The following AFF3 variants were observed in gnomAD, a reference collection of about 807,000 sequenced individuals.
The protein encoded by AFF3 is AF4/FMR2 family member 3.
AFF3 carries 32 observed loss-of-function variants against 129.7 expected under a neutral mutation model. The observed-to-expected ratio is 0.25, with a 90% confidence interval of 0.19 to 0.33. AFF3 has a LOEUF of 0.33. Ranked by LOEUF, AFF3 falls within the 10% of genes least tolerant of loss-of-function variation. The pLI, the probability that AFF3 is intolerant of heterozygous loss-of-function variation, is 1.00. For missense variants in AFF3, 1,373 were observed against 1,592.0 expected (o/e 0.86, Z 2.34); for synonymous variants, 644 against 635.4 (o/e 1.01, Z -0.20).
chr2:99,806,794 A>G (rs1233530578), intron 8 of AFF3, among the ~76,000 whole-genome samples: 3 of 152,244 alleles, frequency 2.0e-5, no homozygotes. Flanking sequence ...TATGGCAAAC[A>G]GTAGGCGCTC....
In AFF3 at chr2:99,724,271, C is replaced by CTTTTTT. The variant is rs58303232; in HGVS notation, c.1091+2800_1091+2805dup. Among the ~76,000 whole-genome samples, 57 of 66,810 alleles carry CTTTTTT rather than the reference C, an allele frequency of 8.5e-4. 5 individuals are homozygous for CTTTTTT. Among genetic ancestry groups the CTTTTTT allele is most frequent in the Admixed American group, 1.5e-3 (6 of 4,062 alleles). 43.8% of individuals were successfully genotyped at this position (66,810 alleles called of 152,430 possible). ...TCCTCACTTCAGTGGAATGACCTTT[C>CTTTTTT]TTTTTTTTTTTTTTTTTTTGAGACA... On this transcript the variant is annotated intron_variant, in intron 11 of 24. Transcript: ENST00000672756.
At chr2:100,051,260 A>AT (rs1169864603) in intron 4 of AFF3, among the ~76,000 whole-genome samples, 1 of 152,142 alleles carries the variant, frequency 6.6e-6, no homozygotes, top group Non-Finnish European at 1.5e-5. Flanking sequence ...ACCAGCCCTA[A>AT]TAAGGGAGGT....
intron 7 of AFF3, among the ~76,000 whole-genome samples, chr2:99,955,169 A>G (rs1676524436): frequency 6.6e-6 from 1 of 152,204 alleles, no homozygotes; most frequent in Non-Finnish European, 1.5e-5. Flanking sequence ...AAATGCTTCA[A>G]TTATCACCAA....
At chr2:99,696,937 T>C (rs1422079914) in intron 11 of AFF3, among the ~76,000 whole-genome samples, 1 of 152,224 alleles carries the variant, frequency 6.6e-6, no homozygotes, top group Non-Finnish European at 1.5e-5. Context: ...TGAACCAGCA[T>C]GCCTGGCCTG....
intron 16 of AFF3, among the ~76,000 whole-genome samples, chr2:99,583,393 C>CT (rs1410199115): frequency 1.3e-5 from 2 of 152,056 alleles, no homozygotes; most frequent in Non-Finnish European, 2.9e-5. Flanking sequence ...ACATTTCTGT[C>CT]TTTTTTTGAG....
At chr2:100,111,091 C>G (rs969933152) in intron 2 of AFF3, among the ~76,000 whole-genome samples, 1 of 152,230 alleles carries the variant, frequency 6.6e-6, no homozygotes, top group Non-Finnish European at 1.5e-5. Context: ...GAGGCTAGGT[C>G]CTTGATGACT....
At chr2:99,870,322 A>G (rs1691778238) in intron 7 of AFF3, among the ~76,000 whole-genome samples, 1 of 152,160 alleles carries the variant, frequency 6.6e-6, no homozygotes, top group African/African-American at 2.4e-5. Flanking sequence ...ACCTGCATCA[A>G]CTTCCTACAC....
intron 8 of AFF3, among the ~76,000 whole-genome samples, chr2:99,782,108 ATCT>A (rs1179218018): frequency 6.6e-6 from 1 of 152,124 alleles, no homozygotes; most frequent in Non-Finnish European, 1.5e-5. Context: ...TTCTTTACAG[ATCT>A]TCTTTACATT....
intron 2 of AFF3, among the ~76,000 whole-genome samples, chr2:100,117,491 A>G (rs1434421840): frequency 1.3e-5 from 2 of 151,878 alleles, no homozygotes; most frequent in African/African-American, 4.8e-5. Context: ...GTTATTTTTT[A>G]TTGTTTCTAG....
At chr2:99,587,633 G>C (rs754221508) in intron 15 of AFF3, among the ~76,000 whole-genome samples, 1 of 152,178 alleles carries the variant, frequency 6.6e-6, no homozygotes, top group Non-Finnish European at 1.5e-5. Context: ...GCATTTCTTG[G>C]TATCAGAATA....
chr2:99,825,313 C>A (rs1687995060), intron 8 of AFF3, among the ~76,000 whole-genome samples: 3 of 152,142 alleles, frequency 2.0e-5, no homozygotes, highest in African/African-American at 7.2e-5. Context: ...TTGCTTTCAT[C>A]CTCAAATGAT....
intron 7 of AFF3, among the ~76,000 whole-genome samples, chr2:99,955,904 TA>T (rs1321425465): frequency 6.6e-6 from 1 of 152,172 alleles, no homozygotes. Flanking sequence ...GTTGTAAACA[TA>T]AACTTCTTTA....
intron 7 of AFF3, among the ~76,000 whole-genome samples, chr2:99,851,418 G>A (rs1690133605): frequency 6.6e-6 from 1 of 152,142 alleles, no homozygotes. Context: ...ATTGTGTATT[G>A]TGAAGGCCAG....
chr2:100,038,962 G>A (rs1385260365), intron 4 of AFF3, among the ~76,000 whole-genome samples: 2 of 152,094 alleles, frequency 1.3e-5, no homozygotes, highest in African/African-American at 4.8e-5. Context: ...GACATCAGGT[G>A]ATCCACCTGC....
chr2:100,070,704 C>T (rs1391374539), intron 4 of AFF3, among the ~76,000 whole-genome samples: 2 of 152,182 alleles, frequency 1.3e-5, no homozygotes, highest in Admixed American at 6.5e-5. Flanking sequence ...TCCAAACTGG[C>T]CATGGCTCCT....
chr2:99,618,070 C>T lies in AFF3; in HGVS notation c.1185-16449G>A, dbSNP rs373062088. On this transcript the variant is annotated intron_variant, in intron 13 of 24. Transcript: ENST00000672756. ...GCATAGTCAGACAGACCCAGGTGGA[C>T]GTTTTACTGCCTCTGCTCGCTGGCT... Among the ~76,000 whole-genome samples the T allele has an allele frequency of 8.1e-4, 123 of 152,176 alleles. 2 individuals carry two copies. The South Asian group carries it at 0.024, about 29-fold the overall frequency.
chr2:100,020,972 C>T (rs1047954727), intron 4 of AFF3, among the ~76,000 whole-genome samples: 4 of 152,234 alleles, frequency 2.6e-5, no homozygotes, highest in Admixed American at 2.0e-4. Context: ...TAGCCCTGCT[C>T]ATCTGCTCAA....
At chr2:99,711,030 G>A (rs562812059) in intron 11 of AFF3, among the ~76,000 whole-genome samples, 1 of 152,182 alleles carries the variant, frequency 6.6e-6, no homozygotes, top group South Asian at 2.1e-4. Flanking sequence ...CTCACTCAGC[G>A]ACAGGAGCCA....
intron 14 of AFF3, among the ~76,000 whole-genome samples, chr2:99,598,431 G>C (rs188153530): frequency 2.0e-5 from 3 of 152,192 alleles, no homozygotes; most frequent in Non-Finnish European, 4.4e-5. Context: ...CCCACATCAT[G>C]CCACAGAGAG....
Sources: gnomAD v4.1 joint callset for allele counts (sites outside exome capture counted in the v4.1 genomes callset) on GRCh38, gnomAD v4.1.1 for gene constraint, MANE v1.5 for transcripts, NCBI Gene and HGNC (gene_info 2026-07-23, HGNC 2026-07-21) for gene names.